PIK3R3: variants seen among roughly 807,000 people sequenced by gnomAD.
PIK3R3 encodes phosphatidylinositol 3-kinase regulatory subunit gamma.
In PIK3R3, 64 loss-of-function variants were observed where a neutral mutation model predicts 62.9. The observed-to-expected ratio is 1.02, with a 90% confidence interval of 0.83 to 1.25. The LOEUF is 1.25. Ranked by LOEUF, PIK3R3 falls within the 50% of genes most tolerant of loss-of-function variation. PIK3R3 has a pLI of 0.00. For synonymous variants in PIK3R3, 165 were observed against 189.0 expected (o/e 0.87, Z 1.04); for missense variants, 614 against 561.6 (o/e 1.09, Z -0.94).
At chr1:46,087,042 TC>T (rs745754243) in intron 1 of PIK3R3, among the ~76,000 whole-genome samples, 15 of 152,172 alleles carry the variant, frequency 9.9e-5, no homozygotes, top group Non-Finnish European at 2.1e-4. Context: ...CTGCATGTTC[TC>T]ACTCATAGGT....
At chr1:46,073,824 C>T (rs1332193117) in intron 3 of PIK3R3, among the ~76,000 whole-genome samples, 2 of 142,694 alleles carry the variant, frequency 1.4e-5, no homozygotes, top group African/African-American at 2.6e-5. Context: ...TTAGTAGAGA[C>T]GGGGTTTCAC....
chr1:46,076,098 A>C (rs1650044756), intron 3 of PIK3R3, among the ~76,000 whole-genome samples: 1 of 152,228 alleles, frequency 6.6e-6, no homozygotes, highest in African/African-American at 2.4e-5. Flanking sequence ...CCACTGACTC[A>C]AATGCTAATC....
intron 1 of PIK3R3, among the ~76,000 whole-genome samples, chr1:46,090,332 A>AT (rs1651499517): frequency 6.6e-6 from 1 of 151,106 alleles, no homozygotes; most frequent in Non-Finnish European, 1.5e-5. Context: ...TTATTTATTT[A>AT]TTTATTTATT....
At chr1:46,103,924 C>CT (rs906170538) in intron 1 of PIK3R3, among the ~76,000 whole-genome samples, 23 of 150,282 alleles carry the variant, frequency 1.5e-4, no homozygotes, top group Admixed American at 4.0e-4. Context: ...ATGTGAAGGT[C>CT]TTTTTTTTGT....
At chr1:46,095,618 A>G (rs1652046091) in intron 1 of PIK3R3, among the ~76,000 whole-genome samples, 1 of 152,208 alleles carries the variant, frequency 6.6e-6, no homozygotes, top group Non-Finnish European at 1.5e-5. Flanking sequence ...ATGTTTACCT[A>G]TGTAACAAAC....
At chr1:46,163,407 C>T in the PIK3R3 span, among the ~76,000 whole-genome samples, 3 of 152,206 alleles carry the variant, frequency 2.0e-5, no homozygotes, top group Non-Finnish European at 4.4e-5. Flanking sequence ...GGTAGAAGTG[C>T]CCCCATGTCA....
chr1:46,104,537 T>C (rs2149446093), intron 1 of PIK3R3, among the ~76,000 whole-genome samples: 1 of 152,234 alleles, frequency 6.6e-6, no homozygotes, highest in South Asian at 2.1e-4. Flanking sequence ...ATGAAACATC[T>C]ACAAACGAGA....
At chr1:46,131,664 G>A (rs1186393132) in intron 1 of PIK3R3, 183 bp downstream of exon 1, 1 of 481,208 alleles carries the variant, frequency 2.1e-6, no homozygotes, top group East Asian at 6.0e-5. Flanking sequence ...AATAGGATCA[G>A]GGTCCTAACT....
intron 1 of PIK3R3, among the ~76,000 whole-genome samples, chr1:46,119,002 A>G (rs564876281): frequency 1.3e-5 from 2 of 151,902 alleles, no homozygotes; most frequent in East Asian, 1.9e-4. Context: ...CACACCTGTT[A>G]TATTTCCATA....
At chr1:46,118,554 C>CT (rs1291550266) in intron 1 of PIK3R3, among the ~76,000 whole-genome samples, 1,467 of 132,190 alleles carry the variant, frequency 0.011, 34 homozygotes, top group African/African-American at 0.026. Flanking sequence ...CATTACTTGT[C>CT]TTTTTTTTTT....
intron 6 of PIK3R3, chr1:46,057,055 CAT>C (rs1284703599): frequency 6.6e-6 from 1 of 152,212 alleles, no homozygotes; most frequent in African/African-American, 2.4e-5. Context: ...ATAATTCCCA[CAT>C]GTTGTAGGAA....
intron 1 of PIK3R3, among the ~76,000 whole-genome samples, chr1:46,103,166 G>C (rs1571503358): frequency 6.6e-6 from 1 of 152,190 alleles, no homozygotes. Context: ...TTGCGTGATA[G>C]GGGAAACGAC....
At chr1:46,105,310 GCCAACATGGTGAAACC>G (rs1432290359) in intron 1 of PIK3R3, 5 of 232,738 alleles carry the variant, frequency 2.1e-5, no homozygotes, top group Non-Finnish European at 4.2e-5. Flanking sequence ...GACCAACCTG[GCCAACATGGTGAAACC>G]CCGTCTCTAC....
intron 9 of PIK3R3, among the ~76,000 whole-genome samples, chr1:46,045,041 CAGT>C (rs1647073188): frequency 1.3e-5 from 2 of 152,252 alleles, no homozygotes; most frequent in African/African-American, 4.8e-5. Flanking sequence ...CCACATCCAT[CAGT>C]AGCATCATCA....
At chr1:46,055,730 G>A in intron 7 of PIK3R3, 65 bp downstream of exon 7, 1 of 999,012 alleles carries the variant, frequency 1.0e-6, no homozygotes, top group Non-Finnish European at 1.5e-6. Flanking sequence ...CACCTCTAGT[G>A]TCTCTAGTGC....
intron 1 of PIK3R3, among the ~76,000 whole-genome samples, chr1:46,113,336 G>A (rs1013556590): frequency 1.5e-5 from 2 of 130,258 alleles, no homozygotes; most frequent in Admixed American, 1.7e-4. Context: ...GTTATGCTCT[G>A]TTGCCCAGGC....
chr1:46,109,666 A>C (rs888769469), intron 1 of PIK3R3, among the ~76,000 whole-genome samples: 1 of 151,792 alleles, frequency 6.6e-6, no homozygotes, highest in African/African-American at 2.4e-5. Flanking sequence ...TTGCCTTTTT[A>C]GTAGAGATGT....
intron 1 of PIK3R3, among the ~76,000 whole-genome samples, chr1:46,108,897 C>T (rs141570312): frequency 1.3e-3 from 199 of 152,304 alleles, no homozygotes; most frequent in Admixed American, 3.9e-3. Context: ...CGGTGGCTCA[C>T]GCCTGTAATC....
intron 1 of PIK3R3, among the ~76,000 whole-genome samples, chr1:46,097,924 A>G (rs1652298311): frequency 6.6e-6 from 1 of 151,660 alleles, no homozygotes. Flanking sequence ...AGCCAGGGCT[A>G]TTAGGGAAGT....
Sources: gnomAD v4.1 joint callset for allele counts (sites outside exome capture counted in the v4.1 genomes callset) on GRCh38, gnomAD v4.1.1 for gene constraint, MANE v1.5 for transcripts, NCBI Gene and HGNC (gene_info 2026-07-23, HGNC 2026-07-21) for gene names.